SPSB4: variants seen among roughly 807,000 people sequenced by gnomAD.
SPSB4 encodes the protein splA/ryanodine receptor domain and SOCS box containing 4, also known as SPRY domain-containing SOCS box protein 4.
A neutral mutation model predicts 20.9 loss-of-function variants in SPSB4; 21 were observed. That is an observed-to-expected ratio of 1.01 (90% confidence interval 0.71 to 1.45). The LOEUF is 1.45. SPSB4 is among the 40% of genes most tolerant of loss of function. The probability of loss-of-function intolerance (pLI) is 0.00; values close to 1 mark genes in which losing one functional copy is unlikely to be tolerated. For missense variants in SPSB4, 399 were observed against 399.2 expected (o/e 1.00, Z 0.00); for synonymous variants, 207 against 183.8 (o/e 1.13, Z -1.02).
At chr3:141,085,486 A>T (rs372282233) in intron 2 of SPSB4, among the ~76,000 whole-genome samples, 4 of 152,088 alleles carry the variant, frequency 2.6e-5, no homozygotes, top group Non-Finnish European at 5.9e-5. Context: ...CAGCCATTGC[A>T]CCCACATTCC....
chr3:141,135,250 T>C (rs1387513542), intron 2 of SPSB4, among the ~76,000 whole-genome samples: 1 of 151,962 alleles, frequency 6.6e-6, no homozygotes, highest in Non-Finnish European at 1.5e-5. Flanking sequence ...GTAGAAGTTT[T>C]TGTTTTGTGT....
chr3:141,121,921 T>C (rs996902176), intron 2 of SPSB4, among the ~76,000 whole-genome samples: 1 of 152,190 alleles, frequency 6.6e-6, no homozygotes, highest in African/African-American at 2.4e-5. Flanking sequence ...TCTGTCAACT[T>C]GTCAAACTCA....
intron 2 of SPSB4, among the ~76,000 whole-genome samples, chr3:141,146,572 G>A (rs1012132791): frequency 1.9e-4 from 29 of 152,088 alleles, no homozygotes; most frequent in African/African-American, 6.0e-4. Context: ...TCAGGAGATC[G>A]AGACCATCCT....
chr3:141,089,520 GCAGGCCAGAGGC>G (rs1938411589), intron 2 of SPSB4, among the ~76,000 whole-genome samples: 1 of 152,144 alleles, frequency 6.6e-6, no homozygotes. Flanking sequence ...GGAAGGCAAG[GCAGGCCAGAGGC>G]CAGCTTGAAC....
intron 2 of SPSB4, among the ~76,000 whole-genome samples, chr3:141,086,895 G>A (rs376742255): frequency 5.4e-4 from 83 of 152,306 alleles, no homozygotes; most frequent in African/African-American, 1.9e-3. Flanking sequence ...CCAAGGTCAC[G>A]TAGCTGGTAA....
intron 2 of SPSB4, among the ~76,000 whole-genome samples, chr3:141,132,975 G>A (rs146712387): frequency 9.2e-5 from 14 of 151,880 alleles, no homozygotes; most frequent in South Asian, 2.1e-4. Flanking sequence ...ATTTTTTGAC[G>A]TCTGTTATTT....
intron 2 of SPSB4, among the ~76,000 whole-genome samples, chr3:141,087,666 A>G (rs115299400): frequency 0.038 from 5,838 of 152,300 alleles, 175 homozygotes; most frequent in Non-Finnish European, 0.06. Flanking sequence ...TTGAGGTTGC[A>G]AGGCCAGGGA....
Position 141,066,783 on chromosome 3 carries a change from A to G in SPSB4, c.679A>G (p.Ile227Val). 6.4e-7 allele frequency: 1 copy of G among 1,553,536 alleles called. No individual in the cohort carries two copies. The highest frequency in any genetic ancestry group is 8.7e-7 in the Non-Finnish European group (1 of 1,145,994). The part of the protein sequence containing the change: ...WGHCEVTMRY[I>V]NGLDPEPLPL... ...CCACTGTGAAGTCACCATGCGCTAC[A>G]TCAACGGCCTTGACCGTAAGTTGTG... The change falls in exon 2 of 3, where the codon ATC becomes GTC. Residue 227 changes from isoleucine to valine, a missense_variant. Transcript: ENST00000310546.
intron 2 of SPSB4, among the ~76,000 whole-genome samples, chr3:141,137,080 G>A (rs868752818): frequency 9.6e-4 from 146 of 152,132 alleles, no homozygotes; most frequent in Non-Finnish European, 1.6e-3. Flanking sequence ...GGATTCCTAG[G>A]TATTTTATTC....
intron 1 of SPSB4, among the ~76,000 whole-genome samples, chr3:141,061,299 A>G (rs1937755890): frequency 1.3e-5 from 2 of 152,312 alleles, no homozygotes; most frequent in South Asian, 4.1e-4. Flanking sequence ...AGAGAGAATA[A>G]AGCAAAATTC....
chr3:141,070,295 CTT>C (rs1937973654), intron 2 of SPSB4, among the ~76,000 whole-genome samples: 1 of 152,090 alleles, frequency 6.6e-6, no homozygotes, highest in Non-Finnish European at 1.5e-5. Context: ...ATTCTAAACA[CTT>C]TACAATTTCT....
In SPSB4 at chr3:141,147,354, G is replaced by C; in HGVS notation, c.*85G>C. On this transcript the variant is annotated 3_prime_UTR_variant, in exon 3 of 3. Coordinates refer to ENST00000310546, the MANE Select transcript of SPSB4 (RefSeq NM_080862.3). ...ATTCACAGTCCCATGGCACATAGGG[G>C]AAAGGATCTACCCTTCTCCTGGCTC... is the stretch of plus-strand genomic sequence containing the variant. 1.3e-6 allele frequency: 2 copies of C among 1,580,606 alleles called. No individual in the cohort carries two copies. The highest frequency in any genetic ancestry group is 1.7e-6 in the Non-Finnish European group (2 of 1,159,348).
chr3:141,069,830 A>C (rs1937962558), intron 2 of SPSB4, among the ~76,000 whole-genome samples: 1 of 152,210 alleles, frequency 6.6e-6, no homozygotes, highest in South Asian at 2.1e-4. Context: ...GCTTAAAGCA[A>C]AATGGCCTTA....
intron 1 of SPSB4, among the ~76,000 whole-genome samples, chr3:141,065,030 C>G (rs1256628898): frequency 6.6e-6 from 1 of 152,172 alleles, no homozygotes; most frequent in African/African-American, 2.4e-5. Flanking sequence ...AGTTCCAGGA[C>G]CCTTTATATT....
intron 2 of SPSB4, among the ~76,000 whole-genome samples, chr3:141,088,335 C>T (rs1248038591): frequency 2.0e-5 from 3 of 152,214 alleles, no homozygotes; most frequent in African/African-American, 4.8e-5. Context: ...ACGATTACTT[C>T]TAGGTGGCAG....
chr3:141,079,348 CAGAA>C (rs908112852), intron 2 of SPSB4, among the ~76,000 whole-genome samples: 1 of 151,660 alleles, frequency 6.6e-6, no homozygotes, highest in African/African-American at 2.4e-5. Context: ...TCCCACAAAA[CAGAA>C]AGAGTATAGA....
At chr3:141,096,791 T>A (rs1028187820) in intron 2 of SPSB4, among the ~76,000 whole-genome samples, 13 of 152,370 alleles carry the variant, frequency 8.5e-5, no homozygotes, top group African/African-American at 3.1e-4. Context: ...ATATTAATTT[T>A]AACTTTATGA....
At chr3:141,118,723 T>C (rs189920485) in intron 2 of SPSB4, among the ~76,000 whole-genome samples, 1,909 of 152,230 alleles carry the variant, frequency 0.013, 42 homozygotes, top group African/African-American at 0.044. Flanking sequence ...AGCCAGTTTT[T>C]CCAGCACTAC....
intron 2 of SPSB4, among the ~76,000 whole-genome samples, chr3:141,069,402 GTC>G (rs758057826): frequency 9.2e-5 from 14 of 152,188 alleles, no homozygotes; most frequent in Non-Finnish European, 1.6e-4. Flanking sequence ...GCTCTAGGGA[GTC>G]TCTGAGCAGG....
Sources: allele counts gnomAD v4.1 joint callset (sites outside exome capture counted in the v4.1 genomes callset), GRCh38; gene constraint gnomAD v4.1.1; transcripts MANE v1.5; gene names NCBI Gene and HGNC (gene_info 2026-07-23, HGNC 2026-07-21).